The following DIAPH3 variants were observed in gnomAD, a reference collection of about 807,000 sequenced individuals.
The protein encoded by DIAPH3 is diaphanous related formin 3.
In DIAPH3, 117 loss-of-function variants were observed where a neutral mutation model predicts 144.3. The ratio of observed to expected loss-of-function variants is 0.81; its 90% CI spans 0.70 to 0.95. The LOEUF (loss-of-function observed/expected upper bound fraction) is 0.95, where lower values mean the gene tolerates loss of function less well. Among genes scored for constraint, DIAPH3 ranks in the 40% least tolerant of loss-of-function variants. DIAPH3 has a pLI of 0.00. For missense variants in DIAPH3, 1,421 were observed against 1,412.7 expected (o/e 1.01, Z -0.09); for synonymous variants, 519 against 488.9 (o/e 1.06, Z -0.81).
At chr13:59,723,487 G>A (rs1285553587) in intron 27 of DIAPH3, among the ~76,000 whole-genome samples, 3 of 152,140 alleles carry the variant, frequency 2.0e-5, no homozygotes, top group Admixed American at 6.5e-5. Flanking sequence ...GTGTGTGCGT[G>A]TGTGGTCTTT....
chr13:59,888,376 A>C (rs1046927978), intron 20 of DIAPH3, among the ~76,000 whole-genome samples: 19 of 152,116 alleles, frequency 1.2e-4, no homozygotes, highest in African/African-American at 3.6e-4. Flanking sequence ...AACTGTGAAA[A>C]ATAAATTTCA....
intron 27 of DIAPH3, among the ~76,000 whole-genome samples, chr13:59,697,130 A>G (rs1233609488): frequency 6.6e-6 from 1 of 151,986 alleles, no homozygotes; most frequent in Non-Finnish European, 1.5e-5. Flanking sequence ...ACATGCTGAC[A>G]ATAGGATAGG....
intron 16 of DIAPH3, among the ~76,000 whole-genome samples, chr13:59,970,596 G>A (rs904242223): frequency 9.9e-5 from 15 of 151,398 alleles, no homozygotes; most frequent in African/African-American, 3.2e-4. Context: ...ATTACAAATC[G>A]GATTCCACTG....
intron 15 of DIAPH3, 56 bp downstream of exon 15, chr13:59,974,296 C>T (rs1430045658): frequency 3.9e-6 from 5 of 1,269,664 alleles, no homozygotes; most frequent in Admixed American, 3.4e-5. Context: ...TATAACATAA[C>T]CTTTGCTCCC....
intron 20 of DIAPH3, among the ~76,000 whole-genome samples, chr13:59,885,096 C>T (rs1357012616): frequency 6.6e-6 from 1 of 152,042 alleles, no homozygotes; most frequent in Non-Finnish European, 1.5e-5. Context: ...AATTCTGGAT[C>T]ACTAAGGATT....
intron 27 of DIAPH3, among the ~76,000 whole-genome samples, chr13:59,742,812 T>C (rs1448447572): frequency 1.3e-5 from 2 of 152,314 alleles, no homozygotes; most frequent in East Asian, 3.9e-4. Flanking sequence ...GATATTTAAG[T>C]AGCTTTGACA....
At chr13:60,094,723 G>A (rs564007334) in intron 3 of DIAPH3, among the ~76,000 whole-genome samples, 8 of 152,194 alleles carry the variant, frequency 5.3e-5, no homozygotes, top group African/African-American at 1.7e-4. Context: ...TTCATCAAAC[G>A]CTGTAGTTTA....
intron 25 of DIAPH3, among the ~76,000 whole-genome samples, chr13:59,798,795 G>A (rs938122798): frequency 6.6e-6 from 1 of 152,190 alleles, no homozygotes; most frequent in African/African-American, 2.4e-5. Context: ...ATGCAGTGCA[G>A]TAGCCCTGCG....
At chr13:59,757,005 G>T (rs2037313582) in intron 27 of DIAPH3, among the ~76,000 whole-genome samples, 1 of 152,090 alleles carries the variant, frequency 6.6e-6, no homozygotes, top group Non-Finnish European at 1.5e-5. Flanking sequence ...ATACTGAGAA[G>T]GTTCTCCCTC....
At chr13:59,680,079 C>T (rs994690685) in intron 27 of DIAPH3, among the ~76,000 whole-genome samples, 1 of 152,090 alleles carries the variant, frequency 6.6e-6, no homozygotes, top group Admixed American at 6.5e-5. Context: ...TCACAAGCAG[C>T]ACCCTGAACT....
intron 1 of DIAPH3, among the ~76,000 whole-genome samples, chr13:60,139,661 A>C (rs2059383341): frequency 6.6e-6 from 1 of 152,148 alleles, no homozygotes; most frequent in African/African-American, 2.4e-5. Flanking sequence ...GAAAAAAACA[A>C]TTATCATATT....
intron 25 of DIAPH3, among the ~76,000 whole-genome samples, chr13:59,809,781 G>C (rs2040378879): frequency 6.6e-6 from 1 of 152,082 alleles, no homozygotes; most frequent in Non-Finnish European, 1.5e-5. Context: ...AAATATACCT[G>C]TAAAGTGAAA....
intron 17 of DIAPH3, among the ~76,000 whole-genome samples, chr13:59,930,401 T>C (rs946379810): frequency 6.6e-6 from 1 of 152,170 alleles, no homozygotes; most frequent in Admixed American, 6.5e-5. Flanking sequence ...GCACCCTAAC[T>C]ATGCTTGTCA....
chr13:60,057,655 G>T lies in DIAPH3; in HGVS notation c.496-14835C>A, dbSNP rs367610222. Among the ~76,000 whole-genome samples the T allele has an allele frequency of 3.3e-3, 502 of 152,068 alleles. 2 individuals are homozygous for T. The highest frequency in any genetic ancestry group is 0.011 in the African/African-American group (462 of 41,516). On this transcript the variant is annotated intron_variant, in intron 4 of 27. Transcript: ENST00000400324. Reference sequence around the variant, plus strand: ...ATCTGACTTCCAATTATACGACAGGGATATAGTAACCAAAACAGCATGGTA... The same window carrying T: ...ATCTGACTTCCAATTATACGACAGGTATATAGTAACCAAAACAGCATGGTA...
intron 17 of DIAPH3, among the ~76,000 whole-genome samples, chr13:59,927,101 G>A (rs971516885): frequency 5.3e-5 from 8 of 151,748 alleles, no homozygotes; most frequent in Non-Finnish European, 1.0e-4. Context: ...ATCTCTTTTT[G>A]ACAAAGTCTG....
chr13:59,941,573 C>A (rs1018312146), intron 17 of DIAPH3, among the ~76,000 whole-genome samples: 2 of 152,168 alleles, frequency 1.3e-5, no homozygotes, highest in African/African-American at 4.8e-5. Flanking sequence ...CAATATGGGG[C>A]AAGCGCTAGA....
intron 24 of DIAPH3, among the ~76,000 whole-genome samples, chr13:59,814,791 A>G (rs1043213158): frequency 6.6e-6 from 1 of 152,200 alleles, no homozygotes; most frequent in Non-Finnish European, 1.5e-5. Context: ...CACTTTGCCT[A>G]AAGAAATTCT....
chr13:59,858,290 A>T (rs1457356737), intron 22 of DIAPH3, among the ~76,000 whole-genome samples: 1 of 152,078 alleles, frequency 6.6e-6, no homozygotes, highest in Non-Finnish European at 1.5e-5. Flanking sequence ...TGACCATAGG[A>T]GGGAAGAGCC....
chr13:59,840,631 T>A (rs990062356), intron 22 of DIAPH3, among the ~76,000 whole-genome samples: 2 of 152,122 alleles, frequency 1.3e-5, no homozygotes, highest in African/African-American at 4.8e-5. Context: ...CCTAAATGTA[T>A]TTTCTTATTT....
Sources: gnomAD v4.1 joint callset for allele counts (sites outside exome capture counted in the v4.1 genomes callset) on GRCh38, gnomAD v4.1.1 for gene constraint, MANE v1.5 for transcripts, NCBI Gene and HGNC (gene_info 2026-07-23, HGNC 2026-07-21) for gene names.